WDR59: variants seen among roughly 807,000 people sequenced by gnomAD.
The protein encoded by WDR59 is GATOR2 complex protein WDR59.
A neutral mutation model predicts 131.2 loss-of-function variants in WDR59; 100 were observed. The ratio of observed to expected loss-of-function variants is 0.76; its 90% CI spans 0.65 to 0.90. The LOEUF is 0.90. WDR59 is among the 40% of genes least tolerant of loss of function. The pLI is 0.00. For synonymous variants in WDR59, 601 were observed against 466.2 expected, an observed-to-expected ratio of 1.29 and a Z score of -3.72; for missense variants, 1,203 against 1,262.2, an observed-to-expected ratio of 0.95 and a Z score of 0.71.
In WDR59 at chr16:74,950,995, A is replaced by C. The variant is rs1335387048; in HGVS notation, c.326+463T>G. On this transcript the variant is annotated intron_variant, in intron 4 of 25. Transcript: ENST00000262144. ...ACGTGGTAAAACCCTGTCTCCACAAAAAAAAAAAAAAAAAATTAGCCGGGC... is the reference window on the plus strand; with the variant it reads ...ACGTGGTAAAACCCTGTCTCCACAACAAAAAAAAAAAAAAATTAGCCGGGC... Among the ~76,000 whole-genome samples, 651 of 150,572 alleles carry C rather than the reference A, an allele frequency of 4.3e-3. 2 individuals are homozygous for C. Among genetic ancestry groups the C allele is most frequent in the African/African-American group, 0.014 (593 of 41,234 alleles).
chr16:74,930,025 G>C (rs1199991753), intron 8 of WDR59, among the ~76,000 whole-genome samples: 1 of 152,192 alleles, frequency 6.6e-6, no homozygotes, highest in Non-Finnish European at 1.5e-5. Context: ...ATGGTTACCA[G>C]AGGCTGGGAA....
chr16:74,972,659 A>G lies in WDR59; in HGVS notation c.55-6837T>C, dbSNP rs934246640. 3.9e-4 allele frequency among the ~76,000 whole-genome samples: 59 copies of G among 150,284 alleles called. 1 individual carries two copies. The highest frequency in any genetic ancestry group is 1.4e-3 in the African/African-American group (58 of 40,966). On this transcript the variant is annotated intron_variant, in intron 1 of 25. Coordinates refer to ENST00000262144, the MANE Select transcript of WDR59 (RefSeq NM_030581.4). The stretch of plus-strand genomic sequence containing the variant: ...GACCAGCCTGGCCAACATGGCTACT[A>G]AAAATACAAAAATTAGCCAGGCGTG...
intron 6 of WDR59, among the ~76,000 whole-genome samples, chr16:74,945,338 A>C (rs148934879): frequency 3.0e-5 from 4 of 135,324 alleles, no homozygotes; most frequent in South Asian, 2.5e-4. Context: ...TTAGCCGGGC[A>C]TGGTGGCGGG....
intron 13 of WDR59, 50 bp from the exon 14 acceptor site, chr16:74,912,412 T>C (rs1177653287): frequency 1.3e-5 from 21 of 1,578,988 alleles, no homozygotes; most frequent in Non-Finnish European, 1.8e-5. Context: ...ATAAAGCGTC[T>C]TTCGATGCAA....
At chr16:74,946,908 G>A (rs1597776903) in intron 6 of WDR59, among the ~76,000 whole-genome samples, 1 of 150,334 alleles carries the variant, frequency 6.7e-6, no homozygotes, top group Non-Finnish European at 1.5e-5. Context: ...GCACCAAGGA[G>A]ATACAAACGG....
rs139164761 is a variant in WDR59 at position 74,903,619 on chromosome 16, A to G, written c.1866+328T>C. On this transcript the variant is annotated intron_variant, in intron 18 of 25. Transcript: ENST00000262144. ...ATTTGCTGAGAAACATCAGAATACCATGGAAGACTTGAAGCTAAGGTATTC... is the reference window on the plus strand; with the variant it reads ...ATTTGCTGAGAAACATCAGAATACCGTGGAAGACTTGAAGCTAAGGTATTC... Among the ~76,000 whole-genome samples the G allele has an allele frequency of 9.8e-4, 150 of 152,342 alleles. 1 individual carries two copies. The highest frequency in any genetic ancestry group is 3.6e-3 in the African/African-American group (149 of 41,580).
At chr16:74,931,831 G>C (rs971596788) in intron 8 of WDR59, among the ~76,000 whole-genome samples, 5 of 151,842 alleles carry the variant, frequency 3.3e-5, no homozygotes, top group African/African-American at 1.2e-4. Flanking sequence ...CTGTGATTGT[G>C]CCATTGTATT....
At chr16:74,916,868 AAAACG>A (rs1393183473) in intron 11 of WDR59, among the ~76,000 whole-genome samples, 2 of 151,634 alleles carry the variant, frequency 1.3e-5, no homozygotes, top group Admixed American at 1.3e-4. Context: ...CAAAAAAAAA[AAAACG>A]AAAACCATAA....
At chr16:74,929,732 A>G (rs543516842) in intron 8 of WDR59, among the ~76,000 whole-genome samples, 3 of 152,342 alleles carry the variant, frequency 2.0e-5, no homozygotes, top group African/African-American at 7.2e-5. Flanking sequence ...CTGCATGCCC[A>G]TATTTATTGC....
intron 25 of WDR59, among the ~76,000 whole-genome samples, chr16:74,883,020 CTTT>C (rs948092826): frequency 2.3e-4 from 26 of 111,234 alleles, no homozygotes; most frequent in Non-Finnish European, 4.0e-4. Flanking sequence ...TTGTTTTTTG[CTTT>C]TTTTTTTTTT....
intron 1 of WDR59, among the ~76,000 whole-genome samples, chr16:74,974,615 T>C (rs955459957): frequency 3.3e-5 from 5 of 152,094 alleles, no homozygotes; most frequent in Admixed American, 2.6e-4. Flanking sequence ...CACTGCTCCT[T>C]AACTAGTAAG....
At chr16:74,933,574 C>T (rs2031570325) in intron 8 of WDR59, among the ~76,000 whole-genome samples, 1 of 151,994 alleles carries the variant, frequency 6.6e-6, no homozygotes, top group African/African-American at 2.4e-5. Flanking sequence ...AGACTGCAAT[C>T]ATTTCTTATC....
chr16:74,947,569 T>G (rs762781221), intron 6 of WDR59, among the ~76,000 whole-genome samples: 5 of 152,178 alleles, frequency 3.3e-5, no homozygotes, highest in African/African-American at 4.8e-5. Context: ...ATTTAGATTC[T>G]CACTGAAACC....
chr16:74,972,968 C>G (rs2034048256), intron 1 of WDR59, among the ~76,000 whole-genome samples: 1 of 152,054 alleles, frequency 6.6e-6, no homozygotes, highest in Non-Finnish European at 1.5e-5. Context: ...CACGGTCGCT[C>G]ACGCCTGTAA....
Position 74,888,255 on chromosome 16 carries a change from C to T in WDR59, c.2260G>A (p.Ala754Thr). The stretch of plus-strand genomic sequence containing the variant: ...GGTAGCCCCTGAGGCCGAGACTGGG[C>T]TTCAAACACGCTACAGAGCATCGCC... ...TLAMLCSVFE[A>T]QSRPQGLPNP... The change falls in exon 22 of 26, where the codon GCC (alanine) becomes ACC (threonine). Residue 754 changes from alanine (A) to threonine (T), a missense_variant. By Grantham distance (58) the Ala-to-Thr change is moderately conservative. Transcript: ENST00000262144. 1.9e-6 allele frequency: 3 copies of T among 1,614,076 alleles called. No homozygotes were observed. Among genetic ancestry groups the T allele is most frequent in the Non-Finnish European group, 2.5e-6 (3 of 1,179,986 alleles).
At chr16:74,898,221 G>A (rs1251103761) in intron 18 of WDR59, among the ~76,000 whole-genome samples, 1 of 152,208 alleles carries the variant, frequency 6.6e-6, no homozygotes, top group Non-Finnish European at 1.5e-5. Context: ...AGGCTAAGGT[G>A]TGGTTGATCT....
At chr16:74,928,902 C>A (rs1640425919) in intron 8 of WDR59, among the ~76,000 whole-genome samples, 1 of 152,052 alleles carries the variant, frequency 6.6e-6, no homozygotes, top group Admixed American at 6.6e-5. Flanking sequence ...GGGCGAGACT[C>A]TGTCTCAAAA....
intron 25 of WDR59, among the ~76,000 whole-genome samples, chr16:74,879,799 G>C (rs554766748): frequency 6.6e-6 from 1 of 152,282 alleles, no homozygotes; most frequent in East Asian, 1.9e-4. Flanking sequence ...AATATCATAT[G>C]TTGATTAACC....
At position 74,909,592 on chromosome 16, in the gene WDR59, CG is replaced by C; in HGVS notation, c.1550del (p.Pro517ArgfsTer6). 1 of 1,609,834 alleles carries C rather than the reference CG, an allele frequency of 6.2e-7. No individual in the cohort carries two copies. Among genetic ancestry groups the C allele is most frequent in the Middle Eastern group, 1.8e-4 (1 of 5,668 alleles). On this transcript the variant is annotated frameshift_variant, in exon 16 of 26. Coordinates refer to ENST00000262144, the MANE Select transcript of WDR59 (RefSeq NM_030581.4). LOFTEE classifies it high-confidence loss of function. ...AAGCCGTGGTCACCCGCGCAAACGT[CG>C]GTAAGGGGGGAGTGACAGAGTTGGG... ...ALPNSVTPPL[P>X]TFARVTTAYG...
Sources: allele counts gnomAD v4.1 joint callset (sites outside exome capture counted in the v4.1 genomes callset), GRCh38; gene constraint gnomAD v4.1.1; transcripts MANE v1.5; gene names NCBI Gene and HGNC (gene_info 2026-07-23, HGNC 2026-07-21).